The following KATNA1 variants were observed in gnomAD, a reference collection of about 807,000 sequenced individuals.
The protein encoded by KATNA1 is katanin p60 ATPase-containing subunit A1.
A neutral mutation model predicts 62.6 loss-of-function variants in KATNA1; 42 were observed. That is an observed-to-expected ratio of 0.67 (90% CI 0.52 to 0.87). The LOEUF (loss-of-function observed/expected upper bound fraction) is 0.87, where lower values mean the gene tolerates loss of function less well. KATNA1 is among the 40% of genes least tolerant of loss of function. The pLI is 0.00. For synonymous variants in KATNA1, 186 were observed against 201.9 expected (o/e 0.92, Z 0.67); for missense variants, 498 against 612.5 (o/e 0.81, Z 1.97).
intron 1 of KATNA1, among the ~76,000 whole-genome samples, chr6:149,644,150 C>T (rs952931443): frequency 1.3e-5 from 2 of 152,046 alleles, no homozygotes; most frequent in Non-Finnish European, 2.9e-5. Flanking sequence ...TACAGAGACA[C>T]CTAGTCTGGG....
intron 4 of KATNA1, among the ~76,000 whole-genome samples, chr6:149,612,268 G>A (rs952218396): frequency 6.6e-6 from 1 of 152,154 alleles, no homozygotes; most frequent in Non-Finnish European, 1.5e-5. Flanking sequence ...AGCACTTTGG[G>A]AGGCCGAGGC....
intron 4 of KATNA1, 57 bp downstream of exon 4, chr6:149,623,046 T>G (rs933197637): frequency 1.6e-5 from 20 of 1,272,244 alleles, no homozygotes; most frequent in Non-Finnish European, 1.9e-5. Flanking sequence ...ATTTGTACAG[T>G]CTTCATTTTT....
At chr6:149,600,841 C>T (rs1778516154) in intron 7 of KATNA1, among the ~76,000 whole-genome samples, 1 of 150,274 alleles carries the variant, frequency 6.7e-6, no homozygotes, top group African/African-American at 2.4e-5. Context: ...GCTTGGGAGG[C>T]TTAGATGGGA....
intron 10 of KATNA1, 68 bp downstream of exon 10, chr6:149,596,990 AAAAAC>A: frequency 6.5e-7 from 1 of 1,543,986 alleles, no homozygotes; most frequent in Non-Finnish European, 8.8e-7. Flanking sequence ...CTGTGTCTCA[AAAAAC>A]AAAACCAAAA....
intron 3 of KATNA1, chr6:149,631,564 C>CAAAAAAAAA (rs11436870): frequency 3.6e-5 from 5 of 140,424 alleles, no homozygotes; most frequent in Admixed American, 7.1e-5. Context: ...ACAAAAAAAA[C>CAAAAAAAAA]AAAAAAAAAA....
chr6:149,603,785 T>C (rs1468485176), intron 5 of KATNA1, among the ~76,000 whole-genome samples: 1 of 152,192 alleles, frequency 6.6e-6, no homozygotes, highest in East Asian at 1.9e-4. Context: ...GGCTACAACA[T>C]AGCTGCTTTG....
chr6:149,606,719 A>G (rs1778754936), intron 4 of KATNA1, among the ~76,000 whole-genome samples: 1 of 151,878 alleles, frequency 6.6e-6, no homozygotes, highest in Admixed American at 6.6e-5. Flanking sequence ...CCCCGGTTCA[A>G]GCAATTCTCC....
chr6:149,626,776 G>C (rs933203904), intron 3 of KATNA1, among the ~76,000 whole-genome samples: 1 of 150,998 alleles, frequency 6.6e-6, no homozygotes, highest in African/African-American at 2.4e-5. Flanking sequence ...CTGAGGTCAG[G>C]AGTTCGAGAA....
At chr6:149,598,797 G>A (rs917836739) in intron 7 of KATNA1, among the ~76,000 whole-genome samples, 2 of 152,096 alleles carry the variant, frequency 1.3e-5, no homozygotes, top group Admixed American at 6.6e-5. Flanking sequence ...TTTCTCTCAC[G>A]CTAATACTGG....
chr6:149,623,082 TA>T lies in KATNA1; in HGVS notation c.501+20del, dbSNP rs1200842863. On this transcript the variant is annotated intron_variant, in intron 4 of 10. Coordinates refer to ENST00000367411, the MANE Select transcript of KATNA1 (RefSeq NM_007044.4). ...ACGGTTCAAAAATAACTTTCATTTA[TA>T]AAAATCAATTAACATTTACCTTTTC... 1 of 1,503,434 alleles carries T rather than the reference TA, an allele frequency of 6.7e-7. No homozygotes were observed. Among genetic ancestry groups the T allele is most frequent in the Non-Finnish European group, 9.0e-7 (1 of 1,110,170 alleles). The allele number at this position is 1,503,434 out of a possible 1,614,324, so 93.1% of individuals were successfully genotyped here. A position where few individuals can be genotyped will look rare whatever the true frequency, so the allele number is the denominator to read the frequency against.
At chr6:149,636,830 T>G (rs1032609913) in intron 2 of KATNA1, among the ~76,000 whole-genome samples, 2 of 151,930 alleles carry the variant, frequency 1.3e-5, no homozygotes, top group East Asian at 3.9e-4. Flanking sequence ...TTAGTAGAGA[T>G]GGGGTTTCAC....
chr6:149,638,201 T>C (rs1020152021), intron 2 of KATNA1, among the ~76,000 whole-genome samples, 185 bp downstream of exon 2: 2 of 152,204 alleles, frequency 1.3e-5, no homozygotes, highest in African/African-American at 4.8e-5. Context: ...CTTGAACTCC[T>C]GGCCTCAAGT....
intron 1 of KATNA1, 166 bp from the exon 2 acceptor site, chr6:149,638,726 C>CTT: frequency 2.3e-5 from 4 of 175,278 alleles, no homozygotes; most frequent in East Asian, 1.4e-4. Context: ...TTAAAAAAAA[C>CTT]ATTGTTTTTT....
At chr6:149,620,996 A>G (rs1021197205) in intron 4 of KATNA1, among the ~76,000 whole-genome samples, 3 of 152,152 alleles carry the variant, frequency 2.0e-5, no homozygotes, top group Non-Finnish European at 4.4e-5. Context: ...CATAGTCTCA[A>G]AGTACTTCCC....
intron 2 of KATNA1, among the ~76,000 whole-genome samples, chr6:149,634,451 A>AG (rs1779991827): frequency 1.3e-5 from 2 of 152,118 alleles, no homozygotes; most frequent in Admixed American, 1.3e-4. Flanking sequence ...CTTGAGCCCA[A>AG]GGGGGAAAAA....
chr6:149,597,659 G>C lies in KATNA1; in HGVS notation c.1016-18C>G. The C allele has an allele frequency of 6.2e-7, 1 of 1,605,392 alleles. No homozygotes were observed. Among genetic ancestry groups the C allele is most frequent in the Non-Finnish European group, 8.5e-7 (1 of 1,176,530 alleles). ...TCCAACACCTAAAATAAGGGTAAGG[G>C]GAGAGTGAAAAAGATATTAAGTTGG... is the stretch of plus-strand genomic sequence containing the variant. On this transcript the variant is annotated intron_variant, in intron 8 of 10. Transcript: ENST00000367411.
intron 4 of KATNA1, among the ~76,000 whole-genome samples, chr6:149,610,326 T>C (rs1476204086): frequency 6.8e-6 from 1 of 147,542 alleles, no homozygotes; most frequent in Non-Finnish European, 1.5e-5. Context: ...AGCAAGGATA[T>C]AGAGCTCAAT....
chr6:149,602,964 G>A (rs984267459), intron 6 of KATNA1, among the ~76,000 whole-genome samples: 22 of 151,846 alleles, frequency 1.4e-4, no homozygotes, highest in Middle Eastern at 3.4e-3. Context: ...CAGGTGATCC[G>A]CCCGCCTCGG....
chr6:149,599,512 T>A (rs1223862155), intron 7 of KATNA1, among the ~76,000 whole-genome samples: 1 of 152,124 alleles, frequency 6.6e-6, no homozygotes, highest in Non-Finnish European at 1.5e-5. Context: ...AGCACACTTC[T>A]GGTAAGAGAA....
Sources: allele counts gnomAD v4.1 joint callset (sites outside exome capture counted in the v4.1 genomes callset), GRCh38; gene constraint gnomAD v4.1.1; transcripts MANE v1.5; gene names NCBI Gene and HGNC (gene_info 2026-07-23, HGNC 2026-07-21).